The following SORCS1 variants were observed in gnomAD, a reference collection of about 807,000 sequenced individuals.
SORCS1 encodes sortilin related VPS10 domain containing receptor 1, also known as VPS10 domain-containing receptor SorCS1.
In SORCS1, 60 loss-of-function variants were observed where a neutral mutation model predicts 146.1. The ratio of observed to expected loss-of-function variants is 0.41; its 90% CI spans 0.33 to 0.51. The LOEUF (loss-of-function observed/expected upper bound fraction) is 0.51, where lower values mean the gene tolerates loss of function less well. SORCS1 is among the 20% of genes least tolerant of loss of function. The pLI is 0.21. For synonymous variants in SORCS1, 637 were observed against 584.0 expected (o/e 1.09, Z -1.31); for missense variants, 1,352 against 1,487.6 (o/e 0.91, Z 1.50).
chr10:106,667,624 C>G, intron 17 of SORCS1, 65 bp downstream of exon 17: 1 of 1,030,146 alleles, frequency 9.7e-7, no homozygotes, highest in Non-Finnish European at 1.5e-6. Context: ...GTAATTCTGT[C>G]AGTATAACAC....
intron 2 of SORCS1, among the ~76,000 whole-genome samples, chr10:106,934,036 G>A (rs1328104905): frequency 6.7e-6 from 1 of 148,590 alleles, no homozygotes; most frequent in African/African-American, 2.5e-5. Flanking sequence ...GGAGGTTGCA[G>A]TGAGTCGAGA....
At chr10:107,061,904 T>C (rs1252317685) in intron 1 of SORCS1, among the ~76,000 whole-genome samples, 4 of 152,164 alleles carry the variant, frequency 2.6e-5, no homozygotes, top group Admixed American at 1.3e-4. Context: ...GTGAAATAAA[T>C]ATTAGAAGAG....
In SORCS1 at chr10:106,871,384, C is replaced by T. The variant is rs141954838; in HGVS notation, c.627-41711G>A. 3.9e-5 allele frequency among the ~76,000 whole-genome samples: 6 copies of T among 152,326 alleles called. No homozygotes were observed. The East Asian group carries it at 1.2e-3, about 29-fold the overall frequency. On this transcript the variant is annotated intron_variant, in intron 2 of 25. Transcript: ENST00000263054. ...ACCATTCCACCCAGCAATCCCATTA[C>T]TGGGAATCCCATTACTGGAGGAATA...
intron 1 of SORCS1, among the ~76,000 whole-genome samples, chr10:106,962,385 A>G (rs2139075836): frequency 1.0e-5 from 1 of 97,744 alleles, no homozygotes; most frequent in South Asian, 3.4e-4. Flanking sequence ...CAAGAGCAAA[A>G]CTCCATCTCA....
In SORCS1 at chr10:106,627,322, G is replaced by A. The variant is rs141446852; in HGVS notation, c.2662+1880C>T. ...CAGTATTTACATGTGATTGGACTAC[G>A]GTAGATGTATAACAAATTTGTGGTA... is the stretch of plus-strand genomic sequence containing the variant. On this transcript the variant is annotated intron_variant, in intron 19 of 25. Transcript: ENST00000263054. 2.6e-4 allele frequency among the ~76,000 whole-genome samples: 39 copies of A among 152,240 alleles called. No homozygotes were observed. The East Asian group carries it at 4.2e-3, about 17-fold the overall frequency.
At chr10:106,657,659 ATATG>A (rs1381279527) in intron 17 of SORCS1, among the ~76,000 whole-genome samples, 111 of 44,266 alleles carry the variant, frequency 2.5e-3, no homozygotes, top group African/African-American at 8.1e-3. Context: ...ATATAACACT[ATATG>A]TGTGTGTGTG....
intron 1 of SORCS1, among the ~76,000 whole-genome samples, chr10:106,992,127 T>C (rs1956793676): frequency 6.6e-6 from 1 of 152,126 alleles, no homozygotes; most frequent in African/African-American, 2.4e-5. Flanking sequence ...ATGGACAGGC[T>C]GTTGGATGCT....
chr10:106,666,458 T>C (rs966059325), intron 17 of SORCS1, among the ~76,000 whole-genome samples: 4 of 152,020 alleles, frequency 2.6e-5, no homozygotes, highest in African/African-American at 4.8e-5. Context: ...TACTGTCAGC[T>C]CTCCTGGGTC....
chr10:107,036,791 C>T (rs1248743409), intron 1 of SORCS1, among the ~76,000 whole-genome samples: 1 of 152,182 alleles, frequency 6.6e-6, no homozygotes, highest in African/African-American at 2.4e-5. Context: ...CCCAGACCAC[C>T]ACCCAACTCT....
chr10:106,964,579 C>T (rs371474310), intron 1 of SORCS1, among the ~76,000 whole-genome samples: 3 of 152,064 alleles, frequency 2.0e-5, no homozygotes, highest in Admixed American at 6.6e-5. Context: ...CTCTGCCTCC[C>T]GGGTTCAAGC....
At chr10:106,971,225 A>G (rs911622681) in intron 1 of SORCS1, among the ~76,000 whole-genome samples, 1 of 152,188 alleles carries the variant, frequency 6.6e-6, no homozygotes, top group Non-Finnish European at 1.5e-5. Flanking sequence ...ACCTCTAAGT[A>G]AGAATGGCCT....
intron 1 of SORCS1, among the ~76,000 whole-genome samples, chr10:107,105,001 A>G (rs937181595): frequency 1.3e-5 from 2 of 152,238 alleles, no homozygotes; most frequent in African/African-American, 2.4e-5. Context: ...CACTGGCCAG[A>G]AAGTCTAATT....
chr10:107,039,281 T>A (rs1459419966), intron 1 of SORCS1, among the ~76,000 whole-genome samples: 2 of 143,172 alleles, frequency 1.4e-5, no homozygotes, highest in Admixed American at 7.4e-5. Flanking sequence ...TGAGCGTAGA[T>A]CGCGTCACTG....
At chr10:107,012,638 A>G (rs1589926941) in intron 1 of SORCS1, among the ~76,000 whole-genome samples, 1 of 152,184 alleles carries the variant, frequency 6.6e-6, no homozygotes, top group South Asian at 2.1e-4. Flanking sequence ...TAGCTCATGG[A>G]ACAATCAGAA....
intron 23 of SORCS1, among the ~76,000 whole-genome samples, chr10:106,599,886 C>T (rs1470243202): frequency 6.6e-6 from 1 of 152,082 alleles, no homozygotes; most frequent in Non-Finnish European, 1.5e-5. Context: ...ATTCTCCTGC[C>T]TCAACCTCCT....
chr10:106,688,153 C>CT (rs755939258), intron 10 of SORCS1, 39 bp downstream of exon 10: 1 of 1,602,720 alleles, frequency 6.2e-7, no homozygotes, highest in Middle Eastern at 1.7e-4. Context: ...TTCCATCCCT[C>CT]TACTGTGTGA....
intron 1 of SORCS1, among the ~76,000 whole-genome samples, chr10:107,006,054 TATCAC>T (rs1957430292): frequency 1.3e-5 from 2 of 152,238 alleles, no homozygotes; most frequent in African/African-American, 4.8e-5. Flanking sequence ...ATTTAATACA[TATCAC>T]AGCACAGCAG....
intron 2 of SORCS1, among the ~76,000 whole-genome samples, chr10:106,881,363 G>A (rs1950799837): frequency 6.6e-6 from 1 of 152,154 alleles, no homozygotes; most frequent in Non-Finnish European, 1.5e-5. Flanking sequence ...TTGGCAAACT[G>A]TAGCTATTTA....
At chr10:106,842,272 T>C (rs1022581904) in intron 2 of SORCS1, among the ~76,000 whole-genome samples, 7 of 152,238 alleles carry the variant, frequency 4.6e-5, no homozygotes, top group African/African-American at 1.4e-4. Flanking sequence ...TCTCACCTTG[T>C]CACCCAGGTG....
Sources: allele counts gnomAD v4.1 joint callset (sites outside exome capture counted in the v4.1 genomes callset), GRCh38; gene constraint gnomAD v4.1.1; transcripts MANE v1.5; gene names NCBI Gene and HGNC (gene_info 2026-07-23, HGNC 2026-07-21).